IGSF10: variants seen among roughly 807,000 people sequenced by gnomAD.
The protein encoded by IGSF10 is immunoglobulin superfamily member 10, also known as calvaria mechanical force protein 608.
A neutral mutation model predicts 128.2 loss-of-function variants in IGSF10; 126 were observed. The observed-to-expected ratio is 0.98, with a 90% CI of 0.85 to 1.14. The LOEUF is 1.14. IGSF10 is among the 50% of genes most tolerant of loss of function. The pLI, the probability that IGSF10 is intolerant of heterozygous loss-of-function variation, is 0.00. For missense variants in IGSF10, 3,295 were observed against 3,149.8 expected, an observed-to-expected ratio of 1.05 and a Z score of -1.10; for synonymous variants, 1,185 against 1,146.2, an observed-to-expected ratio of 1.03 and a Z score of -0.68.
Position 151,437,294 on chromosome 3 carries a change from A to T in IGSF10, c.7267T>A (p.Leu2423Ile). 6.2e-7 allele frequency: 1 copy of T among 1,614,136 alleles called. No homozygotes were observed. Among genetic ancestry groups the T allele is most frequent in the South Asian group, 1.1e-5 (1 of 91,074 alleles). ...TTCTGGCCAATTTCTAATATGACTA[A>T]TTTCTCAATATAGCCAACTTTATTC... Reference protein sequence around the residue: ...ARNKVGYIEKLVILEIGQKPV... With the variant: ...ARNKVGYIEKIVILEIGQKPV... The change falls in exon 8 of 8, where the codon TTA becomes ATA. Residue 2423 changes from leucine (L) to isoleucine (I), a missense_variant. Transcript: ENST00000282466.
intron 7 of IGSF10, among the ~76,000 whole-genome samples, chr3:151,442,380 A>ATTTTT (rs3975405): frequency 0.055 from 6,897 of 124,394 alleles, 751 homozygotes; most frequent in African/African-American, 0.15. Context: ...TACAATTACT[A>ATTTTT]TTTTTTTTTT....
the IGSF10 span, among the ~76,000 whole-genome samples, chr3:151,538,807 G>GT: frequency 6.6e-6 from 1 of 152,154 alleles, no homozygotes; most frequent in Non-Finnish European, 1.5e-5. Flanking sequence ...CATAAAGAAT[G>GT]TAAGTTAAAT....
At chr3:151,597,008 G>GT in the IGSF10 span, among the ~76,000 whole-genome samples, 1,935 of 146,562 alleles carry the variant, frequency 0.013, 44 homozygotes, top group African/African-American at 0.043. Flanking sequence ...AGTTTCCGGG[G>GT]TTTTTTTTTT....
At chr3:151,476,191 A>G in the IGSF10 span, 1 of 152,178 alleles carries the variant, frequency 6.6e-6, no homozygotes, top group African/African-American at 2.4e-5. Context: ...GATACTTATA[A>G]AGTGGTATAA....
the IGSF10 span, among the ~76,000 whole-genome samples, chr3:151,529,676 G>C: frequency 1.3e-5 from 2 of 152,132 alleles, no homozygotes; most frequent in African/African-American, 4.8e-5. Flanking sequence ...CAATAAAAAG[G>C]ACGTCCACTC....
chr3:151,446,632 G>C lies in IGSF10; in HGVS notation c.3349C>G (p.Pro1117Ala). The change falls in exon 6 of 8, where the codon CCC becomes GCC. Residue 1117 changes from proline to alanine, a missense_variant. Pro to Ala is a conservative substitution (Grantham distance 27). Coordinates refer to ENST00000282466, the MANE Select transcript of IGSF10 (RefSeq NM_178822.5). The part of the protein sequence containing the change: ...QNPLLLLENK[P>A]SVEKTTPTIK... Reference sequence around the variant, plus strand: ...GTGGGTGTTGTTTTCTCTACACTGGGTTTGTTCTCAAGTAGTAATAGTGGA... The same window carrying C: ...GTGGGTGTTGTTTTCTCTACACTGGCTTTGTTCTCAAGTAGTAATAGTGGA... The C allele has an allele frequency of 1.9e-6, 3 of 1,614,034 alleles. No individual in the cohort carries two copies. The highest frequency in any genetic ancestry group is 2.5e-6 in the Non-Finnish European group (3 of 1,179,992).
the IGSF10 span, among the ~76,000 whole-genome samples, chr3:151,550,653 G>T: frequency 6.6e-6 from 1 of 152,000 alleles, no homozygotes; most frequent in South Asian, 2.1e-4. Flanking sequence ...TTTTAAAAAA[G>T]AAGTTGGTCA....
chr3:151,534,366 G>T, the IGSF10 span, among the ~76,000 whole-genome samples: 1 of 152,132 alleles, frequency 6.6e-6, no homozygotes, highest in Non-Finnish European at 1.5e-5. Flanking sequence ...TATGTTTATT[G>T]CTGCACTGTT....
the IGSF10 span, among the ~76,000 whole-genome samples, chr3:151,508,984 A>G: frequency 6.6e-6 from 1 of 152,230 alleles, no homozygotes. Context: ...TGTCTTTACT[A>G]AAGTCATTTC....
the IGSF10 span, among the ~76,000 whole-genome samples, chr3:151,544,226 T>A: frequency 6.6e-6 from 1 of 152,182 alleles, no homozygotes; most frequent in African/African-American, 2.4e-5. Context: ...TGTCTTTTAA[T>A]ATTTCCAGTG....
chr3:151,436,669 GTTGACT>G lies in IGSF10; in HGVS notation c.*14_*19del. The G allele has an allele frequency of 6.5e-7, 1 of 1,531,320 alleles. No individual in the cohort carries two copies. Among genetic ancestry groups the G allele is most frequent in the Non-Finnish European group, 8.8e-7 (1 of 1,130,066 alleles). The allele number at this position is 1,531,320 out of a possible 1,614,324, so 94.9% of individuals were successfully genotyped here. ...AAAAAATAAATTCTGCCCAGATGTT[GTTGACT>G]TTATTATTTCATGTCAGATTACTTG... On this transcript the variant is annotated 3_prime_UTR_variant, in exon 8 of 8. Coordinates refer to ENST00000282466, the MANE Select transcript of IGSF10 (RefSeq NM_178822.5).
chr3:151,501,345 T>C, the IGSF10 span, among the ~76,000 whole-genome samples: 1 of 152,026 alleles, frequency 6.6e-6, no homozygotes, highest in African/African-American at 2.4e-5. Flanking sequence ...TCAAACAGCC[T>C]CTCTGAATCT....
At chr3:151,516,356 C>T in the IGSF10 span, among the ~76,000 whole-genome samples, 1 of 152,016 alleles carries the variant, frequency 6.6e-6, no homozygotes, top group Admixed American at 6.6e-5. Context: ...CAATTCCCCA[C>T]CTCCCCAGCC....
Position 151,445,793 on chromosome 3 carries a change from G to T in IGSF10, c.4188C>A (p.Ser1396=), listed in dbSNP as rs754521829. 1.9e-6 allele frequency: 3 copies of T among 1,614,202 alleles called. No individual in the cohort carries two copies. The highest frequency in any genetic ancestry group is 3.3e-4 in the Middle Eastern group (2 of 6,062). ...VKPSVSAFTH[S]PPENTTGISS... is the part of the protein sequence containing the mutation. ...AAATCCCAGTTGTGTTTTCTGGTGG[G>T]GAATGAGTGAATGCAGAGACACTGG... The change falls in exon 6 of 8, where the codon TCC becomes TCA. Residue 1396 remains serine (S), a synonymous_variant. Transcript: ENST00000282466.
At chr3:151,488,369 T>G in the IGSF10 span, among the ~76,000 whole-genome samples, 4 of 152,136 alleles carry the variant, frequency 2.6e-5, no homozygotes, top group Non-Finnish European at 4.4e-5. Flanking sequence ...ACAGGAAGAA[T>G]CAATATCGTG....
the IGSF10 span, among the ~76,000 whole-genome samples, chr3:151,560,569 C>T: frequency 7.9e-5 from 12 of 152,194 alleles, no homozygotes; most frequent in South Asian, 1.5e-3. Context: ...ACCCCTATAA[C>T]GTCTTAGGCA....
chr3:151,496,421 T>G, the IGSF10 span, among the ~76,000 whole-genome samples: 4 of 146,110 alleles, frequency 2.7e-5, no homozygotes, highest in Non-Finnish European at 6.0e-5. Context: ...ATTGTTCAAT[T>G]CCCTATGAGT....
Position 151,448,932 on chromosome 3 carries a change from T to G in IGSF10, c.1049A>C (p.Asp350Ala). The G allele has an allele frequency of 6.2e-7, 1 of 1,614,228 alleles. No individual in the cohort carries two copies. Residue 350 changes from aspartate to alanine, a missense_variant, in exon 6 of 8, where the codon GAC becomes GCC. Transcript: ENST00000282466. Reference sequence around the variant, plus strand: ...AAATGAAGTATTTAGCACGATGTAGTCATTTTCTTCAGTGAATGCAATGGG... The same window carrying G: ...AAATGAAGTATTTAGCACGATGTAGGCATTTTCTTCAGTGAATGCAATGGG... Reference protein sequence around the residue: ...TSPIAFTEENDYIVLNTSFST... With the variant: ...TSPIAFTEENAYIVLNTSFST...
At chr3:151,532,223 C>A in the IGSF10 span, among the ~76,000 whole-genome samples, 1 of 147,050 alleles carries the variant, frequency 6.8e-6, no homozygotes, top group Non-Finnish European at 1.5e-5. Context: ...CAAGGCCAGA[C>A]GGATTCACAG....
Sources: allele counts gnomAD v4.1 joint callset (sites outside exome capture counted in the v4.1 genomes callset), GRCh38; gene constraint gnomAD v4.1.1; transcripts MANE v1.5; gene names NCBI Gene and HGNC (gene_info 2026-07-23, HGNC 2026-07-21).